Variants in HEATR4 observed in about 807,000 individuals in gnomAD.
HEATR4 encodes the protein HEAT repeat containing 4.
In HEATR4, 95 loss-of-function variants were observed where a neutral mutation model predicts 108.8. That is an observed-to-expected ratio of 0.87 (90% CI 0.74 to 1.04). HEATR4 has a LOEUF of 1.04. Among genes scored for constraint, HEATR4 ranks in the 50% least tolerant of loss-of-function variants. HEATR4 has a pLI of 0.00. For synonymous variants in HEATR4, 443 were observed against 459.4 expected (o/e 0.96, Z 0.46); for missense variants, 1,152 against 1,253.8 (o/e 0.92, Z 1.23).
chr14:73,582,788 T>C, the HEATR4 span: 1 of 152,128 alleles, frequency 6.6e-6, no homozygotes, highest in Admixed American at 6.6e-5. Flanking sequence ...GGAGTCTCCC[T>C]ACTGCCAGTC....
the HEATR4 span, chr14:73,593,785 C>T: frequency 1.2e-6 from 2 of 1,613,996 alleles, no homozygotes; most frequent in Admixed American, 1.7e-5. Flanking sequence ...CCTTGCTGGC[C>T]ATGGCTTTGC....
At position 73,556,390 on chromosome 14, in the gene HEATR4, A is replaced by C. The variant is rs1355461545; in HGVS notation, c.-152+2361T>G. 1.4e-4 allele frequency among the ~76,000 whole-genome samples: 15 copies of C among 110,078 alleles called. 4 individuals carry two copies. The South Asian group carries it at 4.4e-3, about 32-fold the overall frequency. 72.2% of individuals were successfully genotyped at this position (110,078 alleles called of 152,430 possible). ...CAGTGAGCCAAGATCACACCAGTGC[A>C]CTCCAGGCTGGGTGACAAGAGTGAA... On this transcript the variant is annotated intron_variant, in intron 1 of 17. Transcript: ENST00000553558.
In HEATR4 at chr14:73,500,599, C is replaced by T. The variant is rs570028550; in HGVS notation, c.2237G>A (p.Arg746Gln). The T allele has an allele frequency of 3.2e-5, 52 of 1,614,000 alleles. 1 individual carries two copies. The highest frequency in any genetic ancestry group is 1.5e-4 in the South Asian group (14 of 91,056). Residue 746 changes from arginine (R) to glutamine (Q), a missense_variant, in exon 12 of 18, where the codon CGG (arginine) becomes CAG (glutamine). Coordinates refer to ENST00000553558, the MANE Select transcript of HEATR4 (RefSeq NM_001220484.1). ...ACCAGCTGCCAAACAGGCTGCCCGC[C>T]GAACTGCTGTGAAGTCATCAGAGAA... is the stretch of plus-strand genomic sequence containing the variant. Reference protein sequence around the residue: ...HCFSDDFTAVRRAACLAAGAL... With the variant: ...HCFSDDFTAVQRAACLAAGAL...
At chr14:73,564,921 A>G in the HEATR4 span, among the ~76,000 whole-genome samples, 1 of 151,742 alleles carries the variant, frequency 6.6e-6, no homozygotes, top group South Asian at 2.1e-4. Flanking sequence ...ATCTTGGTAA[A>G]AAATATATTT....
chr14:73,560,203 C>T (rs187129833), upstream of HEATR4, among the ~76,000 whole-genome samples: 29 of 152,220 alleles, frequency 1.9e-4, no homozygotes, highest in East Asian at 5.4e-3. Context: ...GGGCCTAAGG[C>T]TCTGTCTCGT....
chr14:73,569,340 T>C, the HEATR4 span: 3 of 1,613,862 alleles, frequency 1.9e-6, no homozygotes, highest in Non-Finnish European at 2.5e-6. Flanking sequence ...GTCCCGGCTG[T>C]ACCAATGGAG....
At chr14:73,571,038 G>A in the HEATR4 span, 2 of 150,714 alleles carry the variant, frequency 1.3e-5, no homozygotes, top group Admixed American at 1.3e-4. Context: ...ATGGCAGCTA[G>A]GAGGTGCCAG....
At chr14:73,569,475 G>A in the HEATR4 span, 5 of 1,613,016 alleles carry the variant, frequency 3.1e-6, no homozygotes, top group South Asian at 1.1e-5. Context: ...CTGCTGGGAC[G>A]AACCGGTGCG....
At chr14:73,615,453 G>T in the HEATR4 span, among the ~76,000 whole-genome samples, 2 of 146,640 alleles carry the variant, frequency 1.4e-5, no homozygotes, top group South Asian at 4.3e-4. Context: ...AAACAAGACT[G>T]GGCGCAGTGG....
intron 11 of HEATR4, among the ~76,000 whole-genome samples, chr14:73,501,194 C>T (rs1025098075): frequency 1.2e-4 from 18 of 150,824 alleles, no homozygotes; most frequent in Non-Finnish European, 1.6e-4. Flanking sequence ...TCTTGGCTTA[C>T]TGCAAGCGCC....
chr14:73,597,070 T>TTTTATTTATTTA, the HEATR4 span, among the ~76,000 whole-genome samples: 341 of 148,906 alleles, frequency 2.3e-3, no homozygotes, highest in African/African-American at 7.9e-3. Context: ...GGTAATTTTA[T>TTTTATTTATTTA]TTTATTTATT....
At chr14:73,512,900 T>C (rs1316709135) in intron 6 of HEATR4, among the ~76,000 whole-genome samples, 1 of 152,234 alleles carries the variant, frequency 6.6e-6, no homozygotes, top group African/African-American at 2.4e-5. Flanking sequence ...TTGTCTATCA[T>C]GTTCTGAAAG....
chr14:73,597,598 T>C, the HEATR4 span, among the ~76,000 whole-genome samples: 27 of 117,866 alleles, frequency 2.3e-4, no homozygotes, highest in African/African-American at 6.1e-4. Context: ...TTTCTTTTTT[T>C]TTTTTTTTTT....
chr14:73,561,350 A>G (rs1489664749), upstream of HEATR4, among the ~76,000 whole-genome samples: 1 of 151,342 alleles, frequency 6.6e-6, no homozygotes, highest in Non-Finnish European at 1.5e-5. Context: ...CGGGCGACAG[A>G]GCGAGAGTTT....
the HEATR4 span, among the ~76,000 whole-genome samples, chr14:73,627,679 C>T: frequency 1.3e-5 from 2 of 152,172 alleles, no homozygotes; most frequent in African/African-American, 2.4e-5. Flanking sequence ...GATCTCTGAA[C>T]CCATTTCTGG....
chr14:73,479,441 T>TTCTTTC lies in HEATR4; in HGVS notation c.2845-600_2845-599insGAAAGA, dbSNP rs762051418. ...TTTTTTTCTTTCTTTCTTTCTTTCT[T>TTCTTTC]TTTTTTTTTTTTTTGAGACGGAGTT... On this transcript the variant is annotated intron_variant, in intron 17 of 17. Coordinates refer to ENST00000553558, the MANE Select transcript of HEATR4 (RefSeq NM_001220484.1). Among the ~76,000 whole-genome samples the TTCTTTC allele has an allele frequency of 3.4e-4, 5 of 14,570 alleles. No homozygotes were observed. The East Asian group carries it at 0.025, about 72-fold the overall frequency. 9.6% of individuals were successfully genotyped at this position (14,570 alleles called of 152,430 possible). A position where few individuals can be genotyped will look rare whatever the true frequency, so the allele number is the denominator to read the frequency against.
chr14:73,575,954 C>T, the HEATR4 span, among the ~76,000 whole-genome samples: 1 of 151,700 alleles, frequency 6.6e-6, no homozygotes, highest in Non-Finnish European at 1.5e-5. Flanking sequence ...GAGTTTGAGA[C>T]CAGTCTGGCC....
the HEATR4 span, chr14:73,573,717 G>T: frequency 1.2e-5 from 14 of 1,150,224 alleles, no homozygotes; most frequent in Non-Finnish European, 1.4e-5. Flanking sequence ...ACCTTTTTTA[G>T]TCACTTCTTA....
At chr14:73,505,225 G>A (rs554393309) in intron 10 of HEATR4, among the ~76,000 whole-genome samples, 2 of 152,160 alleles carry the variant, frequency 1.3e-5, no homozygotes, top group Admixed American at 1.3e-4. Context: ...CCCCTTCACA[G>A]AACTTTAACC....
Sources: allele counts gnomAD v4.1 joint callset (sites outside exome capture counted in the v4.1 genomes callset), GRCh38; gene constraint gnomAD v4.1.1; transcripts MANE v1.5; gene names NCBI Gene and HGNC (gene_info 2026-07-23, HGNC 2026-07-21).